KALRN: variants seen among roughly 807,000 people sequenced by gnomAD.
KALRN encodes the protein kalirin.
Under a neutral mutation model 353.7 loss-of-function variants are expected in KALRN, and 70 were observed. The observed-to-expected ratio is 0.20, with a 90% CI of 0.16 to 0.24. The LOEUF (loss-of-function observed/expected upper bound fraction) is 0.24, where lower values mean the gene tolerates loss of function less well. KALRN is among the 10% of genes least tolerant of loss of function. KALRN has a pLI of 1.00. For missense variants in KALRN, 2,791 were observed against 3,756.7 expected (o/e 0.74, Z 6.72); for synonymous variants, 1,391 against 1,434.8 (o/e 0.97, Z 0.69).
chr3:124,035,131 T>C (rs760133934), intron 1 of KALRN, among the ~76,000 whole-genome samples: 4 of 152,178 alleles, frequency 2.6e-5, no homozygotes, highest in Non-Finnish European at 5.9e-5. Context: ...CCTGTCATTC[T>C]ATTCTGCTTC....
intron 1 of KALRN, among the ~76,000 whole-genome samples, chr3:124,139,291 C>A (rs1415416270): frequency 6.6e-6 from 1 of 152,102 alleles, no homozygotes; most frequent in Non-Finnish European, 1.5e-5. Flanking sequence ...TGGGTGGGTG[C>A]TCATGTGTCA....
chr3:124,604,293 T>A (rs115397766), intron 34 of KALRN, among the ~76,000 whole-genome samples: 1,661 of 152,316 alleles, frequency 0.011, 15 homozygotes, highest in Non-Finnish European at 0.018. Flanking sequence ...AATGCTTTCA[T>A]GTTTTTTAAG....
rs1462089238 is a variant in KALRN, at chr3:124,678,250, T to A, written c.7254T>A (p.Gly2418=). Reference sequence around the variant, plus strand: ...AGCGGGCGGAAGTGGAGAACACGGGTAAAAATGAAGCCACAGGGCCTCGTA... The same window carrying A: ...AGCGGGCGGAAGTGGAGAACACGGGAAAAAATGAAGCCACAGGGCCTCGTA... ...MRKRAEVENT[G]KNEATGPRKP... The change falls in exon 50 of 60, where the codon GGT becomes GGA. Residue 2418 remains glycine, a synonymous_variant. Coordinates refer to ENST00000682506, the MANE Select transcript of KALRN (RefSeq NM_001388419.1). The A allele has an allele frequency of 2.5e-6, 4 of 1,614,052 alleles. No individual in the cohort carries two copies. In the South Asian group the frequency reaches 4.4e-5, roughly 18 times the overall value.
At chr3:124,550,283 G>A (rs2070315825) in intron 33 of KALRN, among the ~76,000 whole-genome samples, 1 of 152,186 alleles carries the variant, frequency 6.6e-6, no homozygotes, top group African/African-American at 2.4e-5. Flanking sequence ...AGCTATAGTG[G>A]AGGGAGCCGG....
rs569816912 is a variant in KALRN, at chr3:124,715,812, G to C, written c.8277-1435G>C. ...GTACACTAAAGAATACCTGACATTT[G>C]GTAACTCCTTGCTGTAAGAGGACAG... On this transcript the variant is annotated intron_variant, in intron 58 of 59. Coordinates refer to ENST00000682506, the MANE Select transcript of KALRN (RefSeq NM_001388419.1). Among the ~76,000 whole-genome samples, 504 of 152,238 alleles carry C rather than the reference G, an allele frequency of 3.3e-3. 1 individual carries two copies. The highest frequency in any genetic ancestry group is 5.5e-3 in the Non-Finnish European group (372 of 68,026).
intron 9 of KALRN, among the ~76,000 whole-genome samples, chr3:124,338,685 T>C (rs542760584): frequency 1.6e-4 from 25 of 152,298 alleles, no homozygotes; most frequent in African/African-American, 4.8e-4. Context: ...AAGTCATGGA[T>C]ATCCTTGTTA....
At chr3:124,339,540 T>A (rs1468343341) in intron 9 of KALRN, among the ~76,000 whole-genome samples, 1 of 152,202 alleles carries the variant, frequency 6.6e-6, no homozygotes. Context: ...TTGCAGCCGA[T>A]GGGGAGCTGG....
intron 13 of KALRN, among the ~76,000 whole-genome samples, chr3:124,402,392 G>A (rs1344889517): frequency 2.6e-5 from 4 of 152,092 alleles, no homozygotes; most frequent in Admixed American, 6.6e-5. Flanking sequence ...GTTCTATAAC[G>A]TTTTTTTCCT....
rs1258546519 is a variant in KALRN at position 124,657,551 on chromosome 3, A to G, written c.5966A>G (p.Asp1989Gly). 1.2e-5 allele frequency: 19 copies of G among 1,610,124 alleles called. No individual in the cohort carries two copies. Among genetic ancestry groups the G allele is most frequent in the Non-Finnish European group, 1.6e-5 (19 of 1,176,278 alleles). Reference protein sequence around the residue: ...NIHQIYDWHKDFFLAELEKCI... With the variant: ...NIHQIYDWHKGFFLAELEKCI... ...CATCAGATTTATGACTGGCATAAGG[A>G]GTAAGTGTTAATGCTGCCCCGAGGA... The change falls in exon 40 of 60, where the codon GAT becomes GGT. Residue 1989 changes from aspartate to glycine, a missense_variant and splice_region_variant. By Grantham distance (94) the Asp-to-Gly change is moderately conservative. This residue lies in a region of KALRN where 1,065 missense variants were observed against 1,156.4 expected (regional missense o/e 0.92). Transcript: ENST00000682506.
At chr3:124,634,613 C>T (rs756341742) in intron 36 of KALRN, among the ~76,000 whole-genome samples, 2 of 152,334 alleles carry the variant, frequency 1.3e-5, no homozygotes, top group South Asian at 2.1e-4. Flanking sequence ...GTTAGACGTG[C>T]TTCCAGGTAC....
chr3:124,283,712 TA>T (rs745680790), intron 5 of KALRN, among the ~76,000 whole-genome samples: 43 of 152,366 alleles, frequency 2.8e-4, no homozygotes, highest in Non-Finnish European at 3.8e-4. Context: ...GATTTTTTAT[TA>T]CATCACTTAA....
chr3:124,088,426 C>T (rs927230042), intron 1 of KALRN, among the ~76,000 whole-genome samples: 1 of 152,156 alleles, frequency 6.6e-6, no homozygotes, highest in African/African-American at 2.4e-5. Context: ...CTCTAAGAAT[C>T]TGCCCCCTCC....
chr3:124,480,796 A>G (rs2061907676), intron 27 of KALRN, among the ~76,000 whole-genome samples: 1 of 152,214 alleles, frequency 6.6e-6, no homozygotes, highest in Admixed American at 6.5e-5. Flanking sequence ...CATAAAATTG[A>G]GTCATAATAC....
chr3:124,154,860 A>G (rs2068736757), intron 1 of KALRN, among the ~76,000 whole-genome samples: 1 of 152,192 alleles, frequency 6.6e-6, no homozygotes, highest in Non-Finnish European at 1.5e-5. Flanking sequence ...ACTTCAAACT[A>G]TACTACAAGG....
rs1158804189 is a variant in KALRN, at chr3:124,114,854, ACT to A, written c.73+81043_73+81044del. On this transcript the variant is annotated intron_variant, in intron 1 of 59. Transcript: ENST00000682506. ...TGTCTTGTCTGGTGAAGGCTAGGAAACTCAAGTCACAGAAGAAACTTCCCGTC... is the reference window on the plus strand; with the variant it reads ...TGTCTTGTCTGGTGAAGGCTAGGAAACAAGTCACAGAAGAAACTTCCCGTC... Among the ~76,000 whole-genome samples, 4 of 152,208 alleles carry A rather than the reference ACT, an allele frequency of 2.6e-5. No individual in the cohort carries two copies. In the South Asian group the frequency reaches 8.3e-4, roughly 32 times the overall value.
chr3:124,697,948 C>G (rs1350240514), intron 55 of KALRN, among the ~76,000 whole-genome samples: 1 of 151,972 alleles, frequency 6.6e-6, no homozygotes, highest in Non-Finnish European at 1.5e-5. Context: ...AGGCATGAGC[C>G]ACTTTTATTT....
chr3:124,689,286 C>T (rs755142584), intron 51 of KALRN, among the ~76,000 whole-genome samples: 3 of 152,206 alleles, frequency 2.0e-5, no homozygotes, highest in Non-Finnish European at 4.4e-5. Context: ...ACTTTCTTGG[C>T]TTGCCACAGC....
intron 34 of KALRN, among the ~76,000 whole-genome samples, chr3:124,600,066 T>G (rs1414286260): frequency 6.6e-6 from 1 of 152,186 alleles, no homozygotes; most frequent in Non-Finnish European, 1.5e-5. Flanking sequence ...GATGTGTGTG[T>G]AGGAGTTAGA....
intron 1 of KALRN, among the ~76,000 whole-genome samples, chr3:124,047,804 G>A (rs1237331174): frequency 6.6e-6 from 1 of 151,870 alleles, no homozygotes; most frequent in Non-Finnish European, 1.5e-5. Context: ...CGCCCGGCCA[G>A]AACACTTTTT....
Sources: gnomAD v4.1 joint callset for allele counts (sites outside exome capture counted in the v4.1 genomes callset) on GRCh38, gnomAD v4.1.1 for gene constraint, gnomAD v4.1.1 regional missense constraint, MANE v1.5 for transcripts, NCBI Gene and HGNC (gene_info 2026-07-23, HGNC 2026-07-21) for gene names.